The following ACYP2 variants were observed in gnomAD, a reference collection of about 807,000 sequenced individuals.
The protein encoded by ACYP2 is acylphosphatase-2.
Under a neutral mutation model 11.2 loss-of-function variants are expected in ACYP2, and 12 were observed. The ratio of observed to expected loss-of-function variants is 1.08; its 90% CI spans 0.69 to 1.74. The LOEUF is 1.74. Among genes scored for constraint, ACYP2 ranks in the 40% most tolerant of loss-of-function variants. The pLI is 0.00. For missense variants in ACYP2, 134 were observed against 101.9 expected (o/e 1.31, Z -1.35); for synonymous variants, 43 against 32.2 (o/e 1.33, Z -1.13).
chr2:54,103,207 G>A (rs1678991293), intron 4 of ACYP2, among the ~76,000 whole-genome samples: 1 of 152,224 alleles, frequency 6.6e-6, no homozygotes. Flanking sequence ...TGGAGTGTGT[G>A]AGAAAGAAGT....
At chr2:54,134,660 G>T (rs138471388) in intron 4 of ACYP2, among the ~76,000 whole-genome samples, 112 of 152,192 alleles carry the variant, frequency 7.4e-4, no homozygotes, top group African/African-American at 2.2e-3. Context: ...CATTTTAAAA[G>T]AAACTAATTT....
chr2:54,180,482 T>G (rs918819549), intron 6 of ACYP2, among the ~76,000 whole-genome samples: 2 of 152,168 alleles, frequency 1.3e-5, no homozygotes, highest in African/African-American at 4.8e-5. Flanking sequence ...TGAAAAGACA[T>G]CACTTCGGAG....
chr2:54,256,745 G>C (rs1042721934), intron 6 of ACYP2, among the ~76,000 whole-genome samples: 2 of 152,204 alleles, frequency 1.3e-5, no homozygotes, highest in Non-Finnish European at 2.9e-5. Context: ...AAGTTCAAGC[G>C]ATTCTCCTGC....
intron 6 of ACYP2, among the ~76,000 whole-genome samples, chr2:54,203,212 ATTC>A (rs2103914850): frequency 6.8e-6 from 1 of 147,480 alleles, no homozygotes; most frequent in South Asian, 2.2e-4. Context: ...CTAAATATTT[ATTC>A]TTCTTGAAGA....
At chr2:54,026,868 G>A (rs1674314797) in intron 2 of ACYP2, among the ~76,000 whole-genome samples, 1 of 152,094 alleles carries the variant, frequency 6.6e-6, no homozygotes, top group Non-Finnish European at 1.5e-5. Flanking sequence ...AGGATGCAAA[G>A]GCATAAGAAT....
chr2:54,045,959 T>C (rs1234059015), intron 2 of ACYP2, among the ~76,000 whole-genome samples: 1 of 151,704 alleles, frequency 6.6e-6, no homozygotes, highest in Non-Finnish European at 1.5e-5. Context: ...TTGCTTCAGC[T>C]CAGGAGCTCT....
chr2:54,156,584 G>A (rs373076579), intron 6 of ACYP2, among the ~76,000 whole-genome samples: 3 of 152,144 alleles, frequency 2.0e-5, no homozygotes, highest in African/African-American at 7.2e-5. Flanking sequence ...CCCTGCAAAG[G>A]ACATGAGTTC....
chr2:54,035,270 T>TC (rs1022823760), intron 2 of ACYP2, among the ~76,000 whole-genome samples: 10 of 146,150 alleles, frequency 6.8e-5, no homozygotes, highest in South Asian at 2.2e-4. Flanking sequence ...TTTTTCTTTT[T>TC]TTTTTTTTTT....
intron 2 of ACYP2, among the ~76,000 whole-genome samples, chr2:54,013,299 GTGTGTGTGTGTGTGTGTT>G (rs1673488920): frequency 7.0e-6 from 1 of 142,014 alleles, no homozygotes; most frequent in Non-Finnish European, 1.5e-5. Flanking sequence ...GTGTGTGTGT[GTGTGTGTGTGTGTGTGTT>G]TTGAGACAGA....
chr2:54,122,325 C>T (rs1024597821), intron 4 of ACYP2, among the ~76,000 whole-genome samples: 14 of 152,246 alleles, frequency 9.2e-5, no homozygotes, highest in African/African-American at 3.4e-4. Context: ...CAGGGTTTCT[C>T]ACTGACACCT....
chr2:54,298,953 G>A (rs914940458), intron 6 of ACYP2, among the ~76,000 whole-genome samples: 15 of 152,092 alleles, frequency 9.9e-5, no homozygotes, highest in African/African-American at 3.6e-4. Flanking sequence ...GGGTTTCACC[G>A]TGTTGGCCAG....
intron 2 of ACYP2, among the ~76,000 whole-genome samples, chr2:53,993,176 A>G (rs755820974): frequency 3.3e-5 from 5 of 152,206 alleles, no homozygotes; most frequent in Non-Finnish European, 7.3e-5. Flanking sequence ...ACTGCACTTC[A>G]GCATGGGCGA....
chr2:54,125,321 A>C (rs966193367), intron 4 of ACYP2, among the ~76,000 whole-genome samples: 5 of 152,204 alleles, frequency 3.3e-5, no homozygotes, highest in African/African-American at 1.2e-4. Flanking sequence ...ATACAATTCC[A>C]AACGCCATAA....
In ACYP2 at chr2:54,138,726, C is replaced by T. The variant is rs767996314; in HGVS notation, c.382C>T (p.Pro128Ser). Reference sequence around the variant, plus strand: ...CACCGTGACAGGCCAAGTGCAGGGGCCAGAAGACAAAGTCAATTCCATGTG... The same window carrying T: ...CACCGTGACAGGCCAAGTGCAGGGGTCAGAAGACAAAGTCAATTCCATGTG... Residue 128 changes from proline to serine, a missense_variant, in exon 6 of 7, where the codon CCA becomes TCA. Pro to Ser is a moderately conservative substitution (Grantham distance 74, BLOSUM62 -1). Transcript: ENST00000607452. 4 of 1,613,636 alleles carry T rather than the reference C, an allele frequency of 2.5e-6. No homozygotes were observed. Among genetic ancestry groups the T allele is most frequent in the East Asian group, 2.2e-5 (1 of 44,870 alleles).
chr2:54,256,489 T>A (rs370085254), intron 6 of ACYP2, among the ~76,000 whole-genome samples: 42 of 152,204 alleles, frequency 2.8e-4, no homozygotes, highest in African/African-American at 9.2e-4. Flanking sequence ...ATCCGAGGCT[T>A]CTCCCTATTT....
chr2:54,255,626 C>G (rs1687471232), intron 6 of ACYP2: 1 of 1,613,518 alleles, frequency 6.2e-7, no homozygotes, highest in Admixed American at 1.7e-5. Context: ...GCTCTGTTTT[C>G]TTCCGCCACG....
In ACYP2 at chr2:54,057,337, T is replaced by C. The variant is rs1029519672; in HGVS notation, c.254T>C (p.Phe85Ser). 2.5e-6 allele frequency: 1 copy of C among 397,862 alleles called. No homozygotes were observed. Among genetic ancestry groups the C allele is most frequent in the African/African-American group, 2.1e-5 (1 of 48,608 alleles). 24.6% of individuals were successfully genotyped at this position (397,862 alleles called of 1,614,324 possible). Residue 85 changes from phenylalanine (F) to serine (S), a missense_variant, in exon 4 of 7, where the codon TTC (phenylalanine) becomes TCC (serine). Physicochemically the swap from Phe to Ser is radical, Grantham distance 155 (BLOSUM62 -2). Coordinates refer to ENST00000607452, the MANE Select transcript of ACYP2 (RefSeq NM_001320586.2). ...AACATTTCTTGCTCATCAACTACTTTCATAAAATCAACAATTTGCTTAAGT... is the reference window on the plus strand; with the variant it reads ...AACATTTCTTGCTCATCAACTACTTCCATAAAATCAACAATTTGCTTAAGT...
chr2:53,972,717 T>C (rs540678254), intron 1 of ACYP2, among the ~76,000 whole-genome samples: 1 of 152,122 alleles, frequency 6.6e-6, no homozygotes, highest in East Asian at 1.9e-4. Flanking sequence ...TGGATGTCAG[T>C]TGAAATTGAG....
Position 54,219,256 on chromosome 2 carries a change from A to G in ACYP2, c.404+80508A>G, listed in dbSNP as rs528904112. ...GAGCAGACCCTTAAGAGATAGGTCAAATATTATACAGAGGCATTGAGTGCT... is the reference window on the plus strand; with the variant it reads ...GAGCAGACCCTTAAGAGATAGGTCAGATATTATACAGAGGCATTGAGTGCT... On this transcript the variant is annotated intron_variant, in intron 6 of 6. Coordinates refer to ENST00000607452, the MANE Select transcript of ACYP2 (RefSeq NM_001320586.2). Among the ~76,000 whole-genome samples the G allele has an allele frequency of 2.0e-5, 3 of 152,368 alleles. No individual in the cohort carries two copies. The East Asian group carries it at 5.8e-4, about 29-fold the overall frequency.
Sources: allele counts gnomAD v4.1 joint callset (sites outside exome capture counted in the v4.1 genomes callset), GRCh38; gene constraint gnomAD v4.1.1; transcripts MANE v1.5; gene names NCBI Gene and HGNC (gene_info 2026-07-23, HGNC 2026-07-21).